Variants in LARGE1 observed in about 807,000 individuals in gnomAD.
LARGE1 encodes the protein LARGE xylosyl- and glucuronyltransferase 1.
A neutral mutation model predicts 87.6 loss-of-function variants in LARGE1; 43 were observed. That is an observed-to-expected ratio of 0.49 (90% CI 0.38 to 0.63). The LOEUF (loss-of-function observed/expected upper bound fraction) is 0.63. Among genes scored for constraint, LARGE1 ranks in the 30% least tolerant of loss-of-function variants. The probability of loss-of-function intolerance (pLI) is 0.00; values close to 1 mark genes in which losing one functional copy is unlikely to be tolerated. For missense variants in LARGE1, 802 were observed against 1,000.2 expected (o/e 0.80, Z 2.67); for synonymous variants, 434 against 394.6 (o/e 1.10, Z -1.18).
intron 11 of LARGE1, among the ~76,000 whole-genome samples, chr22:33,261,891 A>G (rs1927646986): frequency 6.6e-6 from 1 of 152,240 alleles, no homozygotes; most frequent in Non-Finnish European, 1.5e-5. Flanking sequence ...TCTTAAGATC[A>G]ATGCCTCAGA....
the LARGE1 span, among the ~76,000 whole-genome samples, chr22:33,082,733 C>T: frequency 6.6e-6 from 1 of 152,190 alleles, no homozygotes. Flanking sequence ...AGACAAGTTC[C>T]CTCCCCTCCA....
chr22:33,120,989 T>C, the LARGE1 span, among the ~76,000 whole-genome samples: 39 of 152,086 alleles, frequency 2.6e-4, no homozygotes, highest in Middle Eastern at 3.4e-3. Flanking sequence ...GGATGTGAAG[T>C]CTGGCAACAG....
intron 1 of LARGE1, among the ~76,000 whole-genome samples, chr22:33,786,364 T>C (rs777736172): frequency 1.3e-5 from 2 of 152,230 alleles, no homozygotes; most frequent in African/African-American, 2.4e-5. Context: ...GATTCAATAT[T>C]GCTACTCCCA....
chr22:33,845,821 C>A (rs889693382), intron 1 of LARGE1, among the ~76,000 whole-genome samples: 9 of 152,116 alleles, frequency 5.9e-5, no homozygotes, highest in African/African-American at 2.2e-4. Context: ...CCCTTTCTCC[C>A]CGCCCCGTGA....
chr22:33,243,317 T>C (rs894023065), intron 11 of LARGE1, among the ~76,000 whole-genome samples: 34 of 152,356 alleles, frequency 2.2e-4, no homozygotes, highest in African/African-American at 7.5e-4. Flanking sequence ...ACACATCTAT[T>C]TAACTTCTAC....
At chr22:33,160,424 G>T (rs1311497331), downstream of LARGE1, among the ~76,000 whole-genome samples, 1 of 152,108 alleles carries the variant, frequency 6.6e-6, no homozygotes, top group Non-Finnish European at 1.5e-5. Flanking sequence ...CTTTGGGGGA[G>T]TCCAACCACT....
At chr22:33,504,269 A>C (rs771124372) in intron 6 of LARGE1, among the ~76,000 whole-genome samples, 10 of 152,076 alleles carry the variant, frequency 6.6e-5, no homozygotes, top group Non-Finnish European at 1.2e-4. Context: ...ATTTTTATTT[A>C]TTTATTTTTA....
intron 7 of LARGE1, among the ~76,000 whole-genome samples, chr22:33,403,600 C>A (rs546773294): frequency 2.1e-4 from 32 of 152,062 alleles, no homozygotes; most frequent in Non-Finnish European, 4.7e-4. Context: ...CATACCGGCT[C>A]ATTTCTTTTC....
At chr22:33,519,306 G>A (rs746659503) in intron 6 of LARGE1, among the ~76,000 whole-genome samples, 1 of 152,034 alleles carries the variant, frequency 6.6e-6, no homozygotes, top group African/African-American at 2.4e-5. Flanking sequence ...GACCCAGGGG[G>A]GCTCCCTGGG....
intron 1 of LARGE1, among the ~76,000 whole-genome samples, chr22:33,849,551 T>G (rs983771030): frequency 6.6e-6 from 1 of 151,970 alleles, no homozygotes; most frequent in Admixed American, 6.6e-5. Flanking sequence ...GCTATGAGTT[T>G]TCAACATATT....
At chr22:33,382,125 C>T (rs895347192) in intron 8 of LARGE1, 81 bp from the exon 9 acceptor site, 50 of 1,578,956 alleles carry the variant, frequency 3.2e-5, no homozygotes, top group Non-Finnish European at 4.1e-5. Flanking sequence ...CACTGCATCC[C>T]CTGTGATAGG....
rs542848697 is a variant in LARGE1, at chr22:33,524,609, T to A, written c.787+40239A>T. Among the ~76,000 whole-genome samples the A allele has an allele frequency of 5.9e-5, 9 of 152,164 alleles. No individual in the cohort carries two copies. In the South Asian group the frequency reaches 1.2e-3, roughly 21 times the overall value. ...TACATCTGGTACCAGACAATGATTT[T>A]CCTCCTGGAGGGTTTGGAGTAAGCC... On this transcript the variant is annotated intron_variant, in intron 6 of 14. Coordinates refer to ENST00000397394, the MANE Select transcript of LARGE1 (RefSeq NM_133642.5).
chr22:33,089,617 C>T, the LARGE1 span, among the ~76,000 whole-genome samples: 5 of 151,686 alleles, frequency 3.3e-5, no homozygotes, highest in Non-Finnish European at 7.4e-5. Flanking sequence ...GCCACCTCAG[C>T]CTCCTGAGCA....
the LARGE1 span, among the ~76,000 whole-genome samples, chr22:33,086,837 C>T: frequency 6.6e-6 from 1 of 152,196 alleles, no homozygotes; most frequent in Admixed American, 6.5e-5. Flanking sequence ...AGGCGTGAGC[C>T]ACCAAACCCA....
chr22:33,311,172 G>C (rs991489422), intron 11 of LARGE1, among the ~76,000 whole-genome samples: 39 of 152,144 alleles, frequency 2.6e-4, no homozygotes, highest in Non-Finnish European at 4.7e-4. Context: ...GTGTTAGCCA[G>C]GATGGTCTCC....
chr22:33,783,385 C>G (rs1187768281), intron 1 of LARGE1, among the ~76,000 whole-genome samples: 1 of 152,050 alleles, frequency 6.6e-6, no homozygotes, highest in Non-Finnish European at 1.5e-5. Flanking sequence ...GCCAACATGG[C>G]AAAACCCCAT....
In LARGE1 at chr22:33,316,156, GAAGTACAGGT is replaced by G; in HGVS notation, c.1370_1379del (p.His457ProfsTer65). The G allele has an allele frequency of 6.2e-7, 1 of 1,614,150 alleles. No individual in the cohort carries two copies. Among genetic ancestry groups the G allele is most frequent in the Non-Finnish European group, 8.5e-7 (1 of 1,180,030 alleles). On this transcript the variant is annotated frameshift_variant, in exon 11 of 15. Coordinates refer to ENST00000397394, the MANE Select transcript of LARGE1 (RefSeq NM_133642.5). LOFTEE classifies it high-confidence loss of function. Reference sequence around the variant, plus strand: ...CTGCAGGCTCATACTCGTAGTGCAGGAAGTACAGGTGGGTGCGGTGGACAGTGAAGCGCTC... The same window carrying G: ...CTGCAGGCTCATACTCGTAGTGCAGGGGGTGCGGTGGACAGTGAAGCGCTC...
chr22:33,503,458 G>A lies in LARGE1; in HGVS notation c.787+61390C>T, dbSNP rs562445630. 6.6e-5 allele frequency among the ~76,000 whole-genome samples: 10 copies of A among 151,886 alleles called. No homozygotes were observed. The South Asian group carries it at 8.3e-4, about 13-fold the overall frequency. Reference sequence around the variant, plus strand: ...GAGTTACCATATGACCAGCAATTCCGTTCTAGGTACATATGTACCAGGAGA... The same window carrying A: ...GAGTTACCATATGACCAGCAATTCCATTCTAGGTACATATGTACCAGGAGA... On this transcript the variant is annotated intron_variant, in intron 6 of 14. Coordinates refer to ENST00000397394, the MANE Select transcript of LARGE1 (RefSeq NM_133642.5).
intron 5 of LARGE1, among the ~76,000 whole-genome samples, chr22:33,596,039 A>T (rs1278221382): frequency 6.6e-6 from 1 of 152,208 alleles, no homozygotes; most frequent in Admixed American, 6.5e-5. Context: ...CAAAAGCAGA[A>T]GATTAATGAC....
Sources: gnomAD v4.1 joint callset for allele counts (sites outside exome capture counted in the v4.1 genomes callset) on GRCh38, gnomAD v4.1.1 for gene constraint, MANE v1.5 for transcripts, NCBI Gene and HGNC (gene_info 2026-07-23, HGNC 2026-07-21) for gene names.